The following ESF1 variants were observed in gnomAD, a reference collection of about 807,000 sequenced individuals.
The protein encoded by ESF1 is ESF1 nucleolar pre-rRNA processing protein.
ESF1 carries 58 observed loss-of-function variants against 92.0 expected under a neutral mutation model. The observed-to-expected ratio is 0.63, with a 90% CI of 0.51 to 0.78. The LOEUF is 0.78. Among genes scored for constraint, ESF1 ranks in the 30% least tolerant of loss-of-function variants. The pLI is 0.00. For synonymous variants in ESF1, 321 were observed against 313.7 expected (o/e 1.02, Z -0.24); for missense variants, 922 against 989.1 (o/e 0.93, Z 0.91).
At chr20:13,772,412 G>T in intron 5 of ESF1, 103 bp downstream of exon 5, 1 of 814,222 alleles carries the variant, frequency 1.2e-6, no homozygotes. Flanking sequence ...ACCACGAATG[G>T]CACAAGTATA....
intron 9 of ESF1, among the ~76,000 whole-genome samples, chr20:13,737,678 G>A (rs533491471): frequency 6.6e-6 from 1 of 151,990 alleles, no homozygotes; most frequent in Admixed American, 6.5e-5. Flanking sequence ...TTTTGAGACA[G>A]AGTCTTGCTC....
Position 13,771,441 on chromosome 20 carries a change from C to T in ESF1, c.1293G>A (p.Leu431=). 6.2e-7 allele frequency: 1 copy of T among 1,613,108 alleles called. No homozygotes were observed. Among genetic ancestry groups the T allele is most frequent in the Non-Finnish European group, 8.5e-7 (1 of 1,179,392 alleles). Residue 431 remains leucine, a synonymous_variant, in exon 6 of 14, where the codon CTG becomes CTA. Coordinates refer to ENST00000617257, the MANE Select transcript of ESF1 (RefSeq NM_001276380.2). ...AGTCTACTACTGCATAATAGTACTT[C>T]AGTCGTTTGAATTGATAATCTCTCA... ...EKLRDYQFKR[L]KYYYAVVDCD... is the part of the protein sequence containing the mutation.
At position 13,759,840 on chromosome 20, in the gene ESF1, G is replaced by T; in HGVS notation, c.1680C>A (p.Val560=). The change falls in exon 9 of 14, where the codon GTC becomes GTA. Residue 560 remains valine (V), a synonymous_variant. Coordinates refer to ENST00000617257, the MANE Select transcript of ESF1 (RefSeq NM_001276380.2). ...IEEELQGDDG[V]NVEEDGKTKK... ...TTGTTTTCCCATCTTCTTCTACATT[G>T]ACTCCATCATCACCTAATGAAAAAA... 6.3e-7 allele frequency: 1 copy of T among 1,591,526 alleles called. No individual in the cohort carries two copies. Among genetic ancestry groups the T allele is most frequent in the Admixed American group, 1.8e-5 (1 of 55,376 alleles).
chr20:13,754,340 T>C (rs2147755814), intron 9 of ESF1, among the ~76,000 whole-genome samples: 1 of 152,332 alleles, frequency 6.6e-6, no homozygotes, highest in Non-Finnish European at 1.5e-5. Context: ...CTGCTCGGAA[T>C]GGTCCAGGCT....
chr20:13,752,950 G>A (rs968820094), intron 9 of ESF1, among the ~76,000 whole-genome samples: 6 of 152,080 alleles, frequency 3.9e-5, no homozygotes, highest in Admixed American at 2.6e-4. Context: ...CCTTGCCAGC[G>A]TGAGACAGTA....
intron 5 of ESF1, 50 bp from the exon 6 acceptor site, chr20:13,771,533 T>C: frequency 6.8e-7 from 1 of 1,461,312 alleles, no homozygotes; most frequent in South Asian, 1.2e-5. Flanking sequence ...ACACAAAAAT[T>C]TCCCTTTAAA....
intron 9 of ESF1, among the ~76,000 whole-genome samples, chr20:13,759,176 A>G (rs115338122): frequency 0.012 from 1,797 of 152,346 alleles, 44 homozygotes; most frequent in African/African-American, 0.04. Flanking sequence ...CATTTATCCC[A>G]GCTTTTATCT....
chr20:13,756,454 T>C (rs887210130), intron 9 of ESF1, among the ~76,000 whole-genome samples: 2 of 152,206 alleles, frequency 1.3e-5, no homozygotes, highest in African/African-American at 4.8e-5. Context: ...TTACTGATTG[T>C]TGAAGGTATT....
At position 13,715,071 on chromosome 20, in the gene ESF1, C is replaced by T. The variant is rs1178101594; in HGVS notation, c.2359G>A (p.Glu787Lys). ...DPNFKKTKAM[E>K]KILEEKARQR... is the part of the protein sequence containing the mutation. ...CGGGCCTTCTCCTCAAGGATTTTTT[C>T]CATAGCTTTTGTTTTCTTGAAATTG... The change falls in exon 14 of 14, where the codon GAA becomes AAA. Residue 787 changes from glutamate to lysine, a missense_variant. Glu to Lys is a moderately conservative substitution (Grantham distance 56, BLOSUM62 1). Coordinates refer to ENST00000617257, the MANE Select transcript of ESF1 (RefSeq NM_001276380.2). The T allele has an allele frequency of 1.2e-6, 2 of 1,613,584 alleles. No individual in the cohort carries two copies. The highest frequency in any genetic ancestry group is 2.2e-5 in the East Asian group (1 of 44,850).
intron 2 of ESF1, among the ~76,000 whole-genome samples, chr20:13,780,151 TAGA>T (rs1270070702): frequency 6.6e-6 from 1 of 152,036 alleles, no homozygotes; most frequent in African/African-American, 2.4e-5. Flanking sequence ...TGTGGTGGGG[TAGA>T]AGGAGTCAGA....
At chr20:13,773,740 A>G (rs1328978014) in intron 4 of ESF1, among the ~76,000 whole-genome samples, 1 of 152,192 alleles carries the variant, frequency 6.6e-6, no homozygotes, top group East Asian at 1.9e-4. Context: ...ACTTGATCTT[A>G]GCCAAAAGGC....
intron 11 of ESF1, among the ~76,000 whole-genome samples, chr20:13,721,181 T>C (rs966532883): frequency 1.3e-5 from 2 of 152,194 alleles, no homozygotes; most frequent in African/African-American, 4.8e-5. Flanking sequence ...CTTTCACTTA[T>C]AAAGATTTCA....
At chr20:13,762,638 G>A (rs1212673975) in intron 8 of ESF1, among the ~76,000 whole-genome samples, 2 of 151,982 alleles carry the variant, frequency 1.3e-5, no homozygotes, top group East Asian at 3.9e-4. Context: ...AGGAGTGAAA[G>A]AATAATAATT....
chr20:13,725,560 A>C (rs2049895734), intron 11 of ESF1, among the ~76,000 whole-genome samples: 1 of 152,172 alleles, frequency 6.6e-6, no homozygotes, highest in Non-Finnish European at 1.5e-5. Context: ...GAGCCACTAC[A>C]TTAATACTGT....
At chr20:13,760,255 A>C (rs1813777727) in intron 8 of ESF1, among the ~76,000 whole-genome samples, 2 of 124,698 alleles carry the variant, frequency 1.6e-5, no homozygotes, top group Non-Finnish European at 1.7e-5. Flanking sequence ...CTGGCTGCCC[A>C]GTCTGGAAAG....
At chr20:13,770,980 GTTT>G (rs1173072048) in intron 6 of ESF1, among the ~76,000 whole-genome samples, 4 of 152,188 alleles carry the variant, frequency 2.6e-5, no homozygotes, top group African/African-American at 9.6e-5. Flanking sequence ...ATAACAATCT[GTTT>G]TCAAATTCCT....
At chr20:13,778,543 T>C (rs1200755375) in intron 2 of ESF1, among the ~76,000 whole-genome samples, 3 of 152,086 alleles carry the variant, frequency 2.0e-5, no homozygotes, top group Admixed American at 6.5e-5. Context: ...GATAGGGTAA[T>C]TACATTGTTT....
At chr20:13,739,010 A>C (rs2049994018) in intron 9 of ESF1, among the ~76,000 whole-genome samples, 1 of 152,220 alleles carries the variant, frequency 6.6e-6, no homozygotes. Flanking sequence ...GGGTGCACTT[A>C]ACACTATGAG....
chr20:13,740,192 C>A (rs2147739657), intron 9 of ESF1, among the ~76,000 whole-genome samples: 1 of 152,186 alleles, frequency 6.6e-6, no homozygotes, highest in African/African-American at 2.4e-5. Context: ...AAAAGAAGTA[C>A]TTTTGACACA....
Sources: allele counts gnomAD v4.1 joint callset (sites outside exome capture counted in the v4.1 genomes callset), GRCh38; gene constraint gnomAD v4.1.1; transcripts MANE v1.5; gene names NCBI Gene and HGNC (gene_info 2026-07-23, HGNC 2026-07-21).